AGBL4: variants seen among roughly 807,000 people sequenced by gnomAD.
AGBL4 encodes the protein AGBL carboxypeptidase 4.
A neutral mutation model predicts 66.4 loss-of-function variants in AGBL4; 58 were observed. The ratio of observed to expected loss-of-function variants is 0.87; its 90% CI spans 0.71 to 1.09. AGBL4 has a LOEUF of 1.09. Ranked by LOEUF, AGBL4 falls within the 50% of genes least tolerant of loss-of-function variation. AGBL4 has a pLI of 0.00. For synonymous variants in AGBL4, 234 were observed against 222.9 expected, an observed-to-expected ratio of 1.05 and a Z score of -0.44; for missense variants, 579 against 631.0, an observed-to-expected ratio of 0.92 and a Z score of 0.88.
At chr1:49,312,301 T>C (rs1644955412) in intron 3 of AGBL4, among the ~76,000 whole-genome samples, 2 of 152,084 alleles carry the variant, frequency 1.3e-5, no homozygotes, top group Non-Finnish European at 2.9e-5. Flanking sequence ...CTCTGGAGGA[T>C]GCAGCAACAA....
intron 2 of AGBL4, among the ~76,000 whole-genome samples, chr1:49,739,872 A>G (rs897839256): frequency 4.6e-5 from 7 of 152,194 alleles, no homozygotes; most frequent in Non-Finnish European, 7.3e-5. Flanking sequence ...TGTCACCACC[A>G]GGCCTGCCCT....
chr1:49,362,011 A>T (rs1644146490), intron 3 of AGBL4, among the ~76,000 whole-genome samples: 1 of 152,112 alleles, frequency 6.6e-6, no homozygotes, highest in Non-Finnish European at 1.5e-5. Flanking sequence ...CCATTTCCTC[A>T]CATTAATTAG....
At chr1:49,118,833 T>G (rs866316318) in intron 4 of AGBL4, among the ~76,000 whole-genome samples, 1 of 152,180 alleles carries the variant, frequency 6.6e-6, no homozygotes, top group South Asian at 2.1e-4. Context: ...GTCCTGGACT[T>G]TTTTTGGTTG....
chr1:49,134,763 C>T (rs1317513380), intron 4 of AGBL4, among the ~76,000 whole-genome samples: 4 of 151,858 alleles, frequency 2.6e-5, no homozygotes, highest in Non-Finnish European at 5.9e-5. Context: ...ATCACAGGGT[C>T]CTGAGGTGAC....
chr1:49,823,269 A>T (rs1413745555), intron 2 of AGBL4, among the ~76,000 whole-genome samples: 4 of 152,228 alleles, frequency 2.6e-5, no homozygotes, highest in Non-Finnish European at 5.9e-5. Flanking sequence ...ATGCTCAAAC[A>T]TGGGTCCACA....
intron 8 of AGBL4, among the ~76,000 whole-genome samples, chr1:48,649,422 T>C (rs1267067520): frequency 2.0e-5 from 3 of 152,234 alleles, no homozygotes; most frequent in Admixed American, 6.5e-5. Context: ...TATCTATTGT[T>C]ATATCATCCA....
In AGBL4 at chr1:48,816,404, C is replaced by G. The variant is rs1270851880; in HGVS notation, c.634+50787G>C. Among the ~76,000 whole-genome samples the G allele has an allele frequency of 3.3e-5, 5 of 152,150 alleles. No individual in the cohort carries two copies. The East Asian group carries it at 9.7e-4, about 29-fold the overall frequency. On this transcript the variant is annotated intron_variant, in intron 6 of 13. Transcript: ENST00000371839. ...TGCCAAGTCAATCTAAAAAGTAACT[C>G]AAACAGAACTGTGGTGGGGCCTGGC...
chr1:49,862,058 A>G (rs1274166652), intron 1 of AGBL4, among the ~76,000 whole-genome samples: 1 of 152,168 alleles, frequency 6.6e-6, no homozygotes, highest in Non-Finnish European at 1.5e-5. Flanking sequence ...AACACAAGAG[A>G]CCAATCCTGG....
At chr1:48,774,892 CTCTTTAACACA>C (rs1160642977) in intron 6 of AGBL4, among the ~76,000 whole-genome samples, 1 of 152,220 alleles carries the variant, frequency 6.6e-6, no homozygotes, top group African/African-American at 2.4e-5. Flanking sequence ...ATCACTGACT[CTCTTTAACACA>C]TCACTTCTAC....
intron 1 of AGBL4, among the ~76,000 whole-genome samples, chr1:49,980,930 T>C (rs1030695214): frequency 2.0e-5 from 3 of 152,212 alleles, no homozygotes; most frequent in African/African-American, 7.2e-5. Flanking sequence ...CTTCTGCTAG[T>C]ACCAATTTAT....
At chr1:49,360,555 T>C (rs1364188216) in intron 3 of AGBL4, among the ~76,000 whole-genome samples, 1 of 152,076 alleles carries the variant, frequency 6.6e-6, no homozygotes, top group Non-Finnish European at 1.5e-5. Context: ...ATTGCAACAG[T>C]TTTCTAAAAG....
chr1:49,832,234 A>G (rs1489232615), intron 2 of AGBL4, among the ~76,000 whole-genome samples: 1 of 148,116 alleles, frequency 6.8e-6, no homozygotes, highest in African/African-American at 2.5e-5. Flanking sequence ...CCTATGAGTG[A>G]GAATATGTGG....
intron 2 of AGBL4, among the ~76,000 whole-genome samples, chr1:49,736,420 A>G (rs1048352131): frequency 3.3e-5 from 5 of 152,166 alleles, no homozygotes; most frequent in African/African-American, 9.6e-5. Flanking sequence ...AAAATTATAA[A>G]TCAATAACAA....
At chr1:49,292,476 A>G (rs956109848) in intron 3 of AGBL4, among the ~76,000 whole-genome samples, 29 of 152,156 alleles carry the variant, frequency 1.9e-4, no homozygotes, top group African/African-American at 7.0e-4. Flanking sequence ...ATGGCCACCC[A>G]TGGGCCAATC....
At chr1:49,584,641 T>C (rs750791084) in intron 3 of AGBL4, among the ~76,000 whole-genome samples, 5 of 152,172 alleles carry the variant, frequency 3.3e-5, no homozygotes, top group Non-Finnish European at 5.9e-5. Context: ...CTGAAGCTTA[T>C]GAAGACTCTC....
At position 48,609,025 on chromosome 1, in the gene AGBL4, G is replaced by A. The variant is rs577910803; in HGVS notation, c.952-18040C>T. 1.1e-3 allele frequency among the ~76,000 whole-genome samples: 160 copies of A among 152,268 alleles called. 1 individual carries two copies. Among genetic ancestry groups the A allele is most frequent in the African/African-American group, 3.6e-3 (150 of 41,542 alleles). On this transcript the variant is annotated intron_variant, in intron 9 of 13. Transcript: ENST00000371839. The stretch of plus-strand genomic sequence containing the variant: ...CAGTGTGGTGAAGTGACTTGCCTAG[G>A]GTTACGTAGGGAAGCCAAGGGATCA...
chr1:49,530,274 A>AAAAAAAAAAAAAAAAAAAAAAAAAAAAC (rs1553221141), intron 3 of AGBL4, among the ~76,000 whole-genome samples: 3 of 134,762 alleles, frequency 2.2e-5, no homozygotes, highest in African/African-American at 9.7e-5. Flanking sequence ...AAAAAAAAAC[A>AAAAAAAAAAAAAAAAAAAAAAAAAAAAC]AAAAAAAACT....
rs149245439 is a variant in AGBL4 at position 49,118,457 on chromosome 1, T to G, written c.378-72657A>C. Among the ~76,000 whole-genome samples, 327 of 152,154 alleles carry G rather than the reference T, an allele frequency of 2.1e-3. 2 individuals carry two copies. Among genetic ancestry groups the G allele is most frequent in the African/African-American group, 7.6e-3 (315 of 41,446 alleles). On this transcript the variant is annotated intron_variant, in intron 4 of 13. Transcript: ENST00000371839. ...GTTGAATTTTGTCAAAGCCCTTTTCTGCGTTTATAGAGATAATCATGTGTT... is the reference window on the plus strand; with the variant it reads ...GTTGAATTTTGTCAAAGCCCTTTTCGGCGTTTATAGAGATAATCATGTGTT...
chr1:48,576,677 T>G (rs2803273), intron 11 of AGBL4, among the ~76,000 whole-genome samples: 41,627 of 152,016 alleles, frequency 0.27, 6,870 homozygotes, highest in Non-Finnish European at 0.37. Flanking sequence ...TGTGCACCAT[T>G]TTATCAATAT....
Sources: gnomAD v4.1 joint callset for allele counts (sites outside exome capture counted in the v4.1 genomes callset) on GRCh38, gnomAD v4.1.1 for gene constraint, MANE v1.5 for transcripts, NCBI Gene and HGNC (gene_info 2026-07-23, HGNC 2026-07-21) for gene names.